The following CSMD1 variants were observed in gnomAD, a reference collection of about 807,000 sequenced individuals.
CSMD1 encodes CUB and Sushi multiple domains 1.
In CSMD1, 213 loss-of-function variants were observed where a neutral mutation model predicts 417.5. The ratio of observed to expected loss-of-function variants is 0.51; its 90% CI spans 0.46 to 0.57. The LOEUF (loss-of-function observed/expected upper bound fraction) is 0.57, where lower values mean the gene tolerates loss of function less well. Ranked by LOEUF, CSMD1 falls within the 20% of genes least tolerant of loss-of-function variation. CSMD1 has a pLI of 0.00. For synonymous variants in CSMD1, 2,862 were observed against 1,736.8 expected, an observed-to-expected ratio of 1.65 and a Z score of -16.11; for missense variants, 6,923 against 4,529.7, an observed-to-expected ratio of 1.53 and a Z score of -15.17.
chr8:3,589,306 T>C (rs1294348446), intron 8 of CSMD1, among the ~76,000 whole-genome samples: 2 of 152,066 alleles, frequency 1.3e-5, no homozygotes, highest in African/African-American at 4.8e-5. Flanking sequence ...ACTGCAGCGT[T>C]ACTCACAATA....
intron 5 of CSMD1, among the ~76,000 whole-genome samples, chr8:3,848,115 C>T (rs1445454576): frequency 6.6e-6 from 1 of 151,516 alleles, no homozygotes; most frequent in Non-Finnish European, 1.5e-5. Context: ...ACTTAGTGCT[C>T]ATATTGAATT....
intron 2 of CSMD1, among the ~76,000 whole-genome samples, chr8:4,586,453 A>T (rs934001228): frequency 1.3e-5 from 2 of 152,200 alleles, no homozygotes; most frequent in African/African-American, 2.4e-5. Flanking sequence ...TCAAATTCAT[A>T]ACTGTGATAT....
In CSMD1 at chr8:3,107,770, G is replaced by C; in HGVS notation, c.6783C>G (p.Pro2261=). The C allele has an allele frequency of 6.3e-7, 1 of 1,586,160 alleles. No individual in the cohort carries two copies. The highest frequency in any genetic ancestry group is 8.5e-7 in the Non-Finnish European group (1 of 1,171,224). Residue 2261 remains proline (P), a synonymous_variant, in exon 45 of 70, where the codon CCC becomes CCG. Coordinates refer to ENST00000635120, the MANE Select transcript of CSMD1 (RefSeq NM_033225.6). ...GCATTTCTGCCTGTGGAACCGCTGG[G>C]GGAGGTTGACATTTCTTGAGCTGAA... ...HAFQLKKCQP[P]PAVPQAEMLT...
intron 2 of CSMD1, among the ~76,000 whole-genome samples, chr8:4,551,353 T>C (rs1797861992): frequency 6.6e-6 from 1 of 152,180 alleles, no homozygotes; most frequent in Admixed American, 6.5e-5. Context: ...TGGTGTGCTG[T>C]GTACACCATT....
chr8:4,396,690 G>C (rs574804292), intron 3 of CSMD1, among the ~76,000 whole-genome samples: 1 of 151,586 alleles, frequency 6.6e-6, no homozygotes, highest in South Asian at 2.1e-4. Context: ...ATGGAATACC[G>C]ATCAGCCATA....
intron 3 of CSMD1, among the ~76,000 whole-genome samples, chr8:4,320,776 G>C (rs897571163): frequency 1.3e-5 from 2 of 152,234 alleles, no homozygotes; most frequent in Admixed American, 6.5e-5. Flanking sequence ...ATTTGGATTG[G>C]TGATTCCTCA....
At chr8:3,957,070 C>T (rs781148820) in intron 5 of CSMD1, among the ~76,000 whole-genome samples, 7 of 152,020 alleles carry the variant, frequency 4.6e-5, no homozygotes, top group South Asian at 2.1e-4. Context: ...ACAAAAACGC[C>T]GGGGGAGGCT....
rs751657255 is a variant in CSMD1 at position 3,367,147 on chromosome 8, G to A, written c.3000C>T (p.Thr1000=). The A allele has an allele frequency of 3.4e-5, 55 of 1,613,500 alleles. No individual in the cohort carries two copies. The highest frequency in any genetic ancestry group is 4.5e-5 in the East Asian group (2 of 44,836). The change falls in exon 20 of 70, where the codon ACC becomes ACT. Residue 1000 remains threonine, a synonymous_variant. Coordinates refer to ENST00000635120, the MANE Select transcript of CSMD1 (RefSeq NM_033225.6). ...TGATCGTATGAGGCAACACCGACCC[G>A]GTGAGCCTGGCAACGGGCTCGGAAA... ...GSFSEPVARL[T]GSVLPHTIKA...
At chr8:4,241,757 G>C (rs1033578107) in intron 3 of CSMD1, among the ~76,000 whole-genome samples, 10 of 150,332 alleles carry the variant, frequency 6.7e-5, no homozygotes, top group Non-Finnish European at 1.3e-4. Flanking sequence ...AGGCTGGAGT[G>C]CAGTGGCGTG....
At chr8:4,812,504 C>T (rs960083952) in intron 1 of CSMD1, among the ~76,000 whole-genome samples, 1 of 152,058 alleles carries the variant, frequency 6.6e-6, no homozygotes, top group Non-Finnish European at 1.5e-5. Flanking sequence ...CCAAATACCC[C>T]AAATTTGATC....
intron 5 of CSMD1, among the ~76,000 whole-genome samples, chr8:3,962,526 G>C (rs993570740): frequency 2.6e-5 from 4 of 152,162 alleles, no homozygotes; most frequent in African/African-American, 7.2e-5. Flanking sequence ...AACGTAATAG[G>C]CTAATCGCAG....
intron 5 of CSMD1, among the ~76,000 whole-genome samples, chr8:3,820,686 T>C (rs906947974): frequency 6.6e-6 from 1 of 152,150 alleles, no homozygotes; most frequent in African/African-American, 2.4e-5. Context: ...AGCTATTCTC[T>C]TGCCTTAGCC....
chr8:4,465,756 CTAT>C (rs754630755), intron 2 of CSMD1, among the ~76,000 whole-genome samples: 124 of 151,688 alleles, frequency 8.2e-4, no homozygotes, highest in Non-Finnish European at 1.5e-3. Context: ...TGTAGGTCAT[CTAT>C]TATTTTCTCA....
intron 2 of CSMD1, among the ~76,000 whole-genome samples, chr8:4,445,406 T>A (rs976003971): frequency 6.6e-6 from 1 of 152,204 alleles, no homozygotes; most frequent in Non-Finnish European, 1.5e-5. Context: ...TTTGGATTAT[T>A]CTAATACTAT....
rs186178895 is a variant in CSMD1, at chr8:3,809,208, A to T, written c.819-55166T>A. On this transcript the variant is annotated intron_variant, in intron 5 of 69. Coordinates refer to ENST00000635120, the MANE Select transcript of CSMD1 (RefSeq NM_033225.6). Reference sequence around the variant, plus strand: ...TTACTAATATAACTTCTCACCCATCAGGTCTCCAGTTAAGTTTCACTTCAT... The same window carrying T: ...TTACTAATATAACTTCTCACCCATCTGGTCTCCAGTTAAGTTTCACTTCAT... Among the ~76,000 whole-genome samples the T allele has an allele frequency of 2.0e-5, 3 of 152,250 alleles. No individual in the cohort carries two copies. The East Asian group carries it at 5.8e-4, about 29-fold the overall frequency.
At chr8:4,136,487 G>A (rs936552658) in intron 3 of CSMD1, among the ~76,000 whole-genome samples, 4 of 152,168 alleles carry the variant, frequency 2.6e-5, no homozygotes, top group Non-Finnish European at 4.4e-5. Context: ...AGAACTGGAT[G>A]CTATTATATT....
At chr8:4,009,516 C>G (rs965149565) in intron 4 of CSMD1, among the ~76,000 whole-genome samples, 6 of 152,158 alleles carry the variant, frequency 3.9e-5, no homozygotes, top group East Asian at 3.8e-4. Flanking sequence ...TTATAATATT[C>G]CTTCAGTGAA....
chr8:3,909,421 G>T (rs868425607), intron 5 of CSMD1, among the ~76,000 whole-genome samples: 1 of 152,080 alleles, frequency 6.6e-6, no homozygotes. Context: ...GGGTGCCGAG[G>T]GCAGGATACG....
chr8:4,148,354 A>T (rs1227121807), intron 3 of CSMD1, among the ~76,000 whole-genome samples: 2 of 110,440 alleles, frequency 1.8e-5, no homozygotes, highest in African/African-American at 7.1e-5. Context: ...AACATCACAC[A>T]CCGGTGCCTG....
Sources: allele counts gnomAD v4.1 joint callset (sites outside exome capture counted in the v4.1 genomes callset), GRCh38; gene constraint gnomAD v4.1.1; transcripts MANE v1.5; gene names NCBI Gene and HGNC (gene_info 2026-07-23, HGNC 2026-07-21).